Variants in DTNA observed in about 807,000 individuals in gnomAD.
DTNA encodes the protein dystrophin-related protein 3.
A neutral mutation model predicts 100.7 loss-of-function variants in DTNA; 43 were observed. The observed-to-expected ratio is 0.43, with a 90% CI of 0.33 to 0.55. DTNA has a LOEUF of 0.55. Ranked by LOEUF, DTNA falls within the 20% of genes least tolerant of loss-of-function variation. DTNA has a pLI of 0.04. For missense variants in DTNA, 798 were observed against 953.9 expected, an observed-to-expected ratio of 0.84 and a Z score of 2.15; for synonymous variants, 349 against 347.9, an observed-to-expected ratio of 1.00 and a Z score of -0.04.
chr18:34,785,453 CTGTT>C (rs1374397449), intron 3 of DTNA, among the ~76,000 whole-genome samples: 4 of 152,082 alleles, frequency 2.6e-5, no homozygotes, highest in Non-Finnish European at 5.9e-5. Flanking sequence ...TAATGCCTCT[CTGTT>C]TGCTCTCAAA....
intron 17 of DTNA, chr18:34,866,406 C>T: frequency 1.5e-6 from 2 of 1,333,956 alleles, no homozygotes; most frequent in Non-Finnish European, 9.6e-7. Context: ...CATTTTAGAT[C>T]CCCAGAGGTA....
chr18:34,848,447 T>A, intron 14 of DTNA, 64 bp downstream of exon 14: 2 of 1,511,100 alleles, frequency 1.3e-6, no homozygotes, highest in East Asian at 4.5e-5. Context: ...TTATATGTCA[T>A]GTTTATTGTT....
chr18:34,714,814 C>T (rs577473951), intron 1 of DTNA, among the ~76,000 whole-genome samples: 79 of 152,184 alleles, frequency 5.2e-4, no homozygotes, highest in African/African-American at 1.9e-3. Flanking sequence ...AGCCAAACGT[C>T]CAACAATGAT....
chr18:34,810,912 T>A (rs1332370390), intron 5 of DTNA, among the ~76,000 whole-genome samples: 3 of 152,230 alleles, frequency 2.0e-5, no homozygotes, highest in African/African-American at 7.2e-5. Context: ...GAGTATTTAA[T>A]GAAAATGAGA....
intron 1 of DTNA, among the ~76,000 whole-genome samples, chr18:34,567,717 C>A (rs946675977): frequency 6.6e-6 from 1 of 152,110 alleles, no homozygotes; most frequent in African/African-American, 2.4e-5. Flanking sequence ...ATTTTGACAT[C>A]AAATTCAATT....
chr18:34,721,961 T>A (rs8087684), intron 1 of DTNA, among the ~76,000 whole-genome samples: 16,679 of 152,186 alleles, frequency 0.11, 1,292 homozygotes, highest in African/African-American at 0.21. Flanking sequence ...ATTGTCAGTA[T>A]TAGGGTTTTC....
At chr18:34,806,671 G>A (rs1227433877) in intron 5 of DTNA, among the ~76,000 whole-genome samples, 2 of 152,152 alleles carry the variant, frequency 1.3e-5, no homozygotes, top group East Asian at 3.9e-4. Flanking sequence ...TCTTCTAAAA[G>A]CAAGACTCTT....
chr18:34,868,150 G>C, intron 17 of DTNA: 1 of 298,980 alleles, frequency 3.3e-6, no homozygotes, highest in Non-Finnish European at 4.5e-6. Context: ...TTCTGGCAAT[G>C]AAGCAAAAAA....
rs570188573 is a variant in DTNA, at chr18:34,889,892, T to C, written c.*2158T>C. 77 of 1,004,290 alleles carry C rather than the reference T, an allele frequency of 7.7e-5. No individual in the cohort carries two copies. The African/African-American group carries it at 1.2e-3, about 16-fold the overall frequency. 62.2% of individuals were successfully genotyped at this position (1,004,290 alleles called of 1,614,324 possible). ...TGGGGTGTCTTAATGTTCATCTCTT[T>C]TCCACTGCCCATCCTCTGTGAACCC... On this transcript the variant is annotated 3_prime_UTR_variant, in exon 23 of 23. Transcript: ENST00000444659.
chr18:34,745,237 TA>T (rs1187607256), intron 1 of DTNA, among the ~76,000 whole-genome samples: 2 of 151,668 alleles, frequency 1.3e-5, no homozygotes, highest in African/African-American at 4.8e-5. Context: ...AACTCAGCAC[TA>T]AAAAAAAGAA....
intron 1 of DTNA, among the ~76,000 whole-genome samples, chr18:34,532,766 A>ATG (rs1282967965): frequency 2.8e-3 from 149 of 52,968 alleles, no homozygotes; most frequent in African/African-American, 6.7e-3. Context: ...ATATATATAT[A>ATG]TATATGTGTG....
chr18:34,507,329 T>C (rs2040591115), intron 1 of DTNA, among the ~76,000 whole-genome samples: 2 of 152,220 alleles, frequency 1.3e-5, no homozygotes, highest in Non-Finnish European at 2.9e-5. Context: ...GACCAGTACG[T>C]GCATGGGAAA....
At chr18:34,751,375 TCAC>T (rs1441470046) in intron 1 of DTNA, among the ~76,000 whole-genome samples, 1 of 152,222 alleles carries the variant, frequency 6.6e-6, no homozygotes, top group Admixed American at 6.5e-5. Flanking sequence ...TTCCTTCCAC[TCAC>T]CATGCTGGAG....
At position 34,865,241 on chromosome 18, in the gene DTNA, G is replaced by C. The variant is rs548130115; in HGVS notation, c.1743+1179G>C. Among the ~76,000 whole-genome samples the C allele has an allele frequency of 2.9e-3, 446 of 152,038 alleles. 2 individuals are homozygous for C. Among genetic ancestry groups the C allele is most frequent in the African/African-American group, 0.01 (431 of 41,436 alleles). ...AACATTTGTTGTTTTTATTTTGTCT[G>C]TCCTTTCTTTCTCTCTTTTTTTTGT... On this transcript the variant is annotated intron_variant, in intron 17 of 22. Transcript: ENST00000444659.
At chr18:34,739,867 A>G (rs28535517) in intron 1 of DTNA, among the ~76,000 whole-genome samples, 5,708 of 152,230 alleles carry the variant, frequency 0.037, 339 homozygotes, top group African/African-American at 0.13. Flanking sequence ...GAGGAGAAGT[A>G]ATGGTGAGAA....
In DTNA at chr18:34,654,352, C is replaced by T. The variant is rs1355112391; in HGVS notation, c.-1-101624C>T. Among the ~76,000 whole-genome samples the T allele has an allele frequency of 2.6e-5, 4 of 152,278 alleles. No homozygotes were observed. The South Asian group carries it at 8.3e-4, about 32-fold the overall frequency. On this transcript the variant is annotated intron_variant, in intron 1 of 19. Transcript: ENST00000283365. ...CAGTTACCAGTTACTGAGTGACAGTCGTGTACTAGGTACAATACATTCATT... is the reference window on the plus strand; with the variant it reads ...CAGTTACCAGTTACTGAGTGACAGTTGTGTACTAGGTACAATACATTCATT...
Position 34,794,173 on chromosome 18 carries a change from G to T in DTNA, c.285G>T (p.Arg95=), listed in dbSNP as rs757017221. The stretch of plus-strand genomic sequence containing the variant: ...CTATTTTTTACCAGCTCAACAAACG[G>T]ATGCCAACCACTCACCAAATCCATG... The part of the protein sequence containing the change: ...LSTIFYQLNK[R]MPTTHQIHVE... The change falls in exon 4 of 23, where the codon CGG becomes CGT. Residue 95 remains arginine, a synonymous_variant. Transcript: ENST00000444659. 2 of 1,614,100 alleles carry T rather than the reference G, an allele frequency of 1.2e-6. No individual in the cohort carries two copies. The highest frequency in any genetic ancestry group is 1.7e-6 in the Non-Finnish European group (2 of 1,180,016).
chr18:34,520,997 A>G (rs2042099650), intron 1 of DTNA, among the ~76,000 whole-genome samples: 1 of 152,240 alleles, frequency 6.6e-6, no homozygotes, highest in Non-Finnish European at 1.5e-5. Context: ...CATAAAAGCC[A>G]TCACTTATTG....
At chr18:34,832,452 A>G (rs1468027732) in intron 11 of DTNA, among the ~76,000 whole-genome samples, 1 of 152,212 alleles carries the variant, frequency 6.6e-6, no homozygotes, top group African/African-American at 2.4e-5. Context: ...TGTTCAGTTC[A>G]GTAACCTTTA....
Sources: allele counts gnomAD v4.1 joint callset (sites outside exome capture counted in the v4.1 genomes callset), GRCh38; gene constraint gnomAD v4.1.1; transcripts MANE v1.5; gene names NCBI Gene and HGNC (gene_info 2026-07-23, HGNC 2026-07-21).